The following CATSPERB variants were observed in gnomAD, a reference collection of about 807,000 sequenced individuals.
The protein encoded by CATSPERB is catsper channel auxiliary subunit beta, also known as cation channel sperm-associated auxiliary subunit beta.
CATSPERB carries 93 observed loss-of-function variants against 128.3 expected under a neutral mutation model. That is an observed-to-expected ratio of 0.72 (90% confidence interval 0.61 to 0.86). CATSPERB has a LOEUF of 0.86. Ranked by LOEUF, CATSPERB falls within the 40% of genes least tolerant of loss-of-function variation. CATSPERB has a pLI of 0.00. For missense variants in CATSPERB, 1,153 were observed against 1,329.5 expected (o/e 0.87, Z 2.06); for synonymous variants, 381 against 448.8 (o/e 0.85, Z 1.91).
At position 91,621,809 on chromosome 14, in the gene CATSPERB, C is replaced by T; in HGVS notation, c.2059G>A (p.Ala687Thr). 6.2e-7 allele frequency: 1 copy of T among 1,614,148 alleles called. No individual in the cohort carries two copies. The highest frequency in any genetic ancestry group is 8.5e-7 in the Non-Finnish European group (1 of 1,180,006). The change falls in exon 19 of 27, where the codon GCA (alanine) becomes ACA (threonine). Residue 687 changes from alanine (A) to threonine (T), a missense_variant. Coordinates refer to ENST00000256343, the MANE Select transcript of CATSPERB (RefSeq NM_024764.4). ...TTTAGAAAGGTCATATTGTTGGGTG[C>T]ACTTTCAGGCATGGTAGCAATGGCT... ...ALAIATMPES[A>T]PNNMTFLKST...
At chr14:91,682,984 C>T (rs953288394) in intron 11 of CATSPERB, among the ~76,000 whole-genome samples, 1 of 152,134 alleles carries the variant, frequency 6.6e-6, no homozygotes, top group African/African-American at 2.4e-5. Context: ...TATAACCTAA[C>T]CTATGCATGC....
rs8016137 is a variant in CATSPERB at position 91,668,715 on chromosome 14, G to T, written c.1287+1099C>A. Among the ~76,000 whole-genome samples, 3 of 151,998 alleles carry T rather than the reference G, an allele frequency of 2.0e-5. No homozygotes were observed. In the East Asian group the frequency reaches 5.8e-4, roughly 29 times the overall value. ...AAATCAGCAAGACCACAAACCCACC[G>T]GGAGGAACAAACAACTCTGGACGTG... On this transcript the variant is annotated intron_variant, in intron 14 of 26. Transcript: ENST00000256343.
chr14:91,696,491 C>T (rs774064925), intron 7 of CATSPERB, among the ~76,000 whole-genome samples: 1 of 151,784 alleles, frequency 6.6e-6, no homozygotes, highest in Non-Finnish European at 1.5e-5. Context: ...TGTTTTAGTA[C>T]GGTGATGGAA....
In CATSPERB at chr14:91,586,689, T is replaced by C. The variant is rs977944830; in HGVS notation, c.3132+513A>G. Among the ~76,000 whole-genome samples the C allele has an allele frequency of 2.0e-5, 3 of 152,236 alleles. 1 individual carries two copies. The highest frequency in any genetic ancestry group is 2.0e-4 in the Admixed American group (3 of 15,282). On this transcript the variant is annotated intron_variant, in intron 26 of 26. Transcript: ENST00000256343. ...TCCCATGCCTCACAGGCAGCACATG[T>C]CATTATATGAATAAGCAAAAATGAG...
chr14:91,639,776 C>T (rs1052517635), intron 15 of CATSPERB, among the ~76,000 whole-genome samples: 2 of 152,154 alleles, frequency 1.3e-5, no homozygotes, highest in African/African-American at 4.8e-5. Flanking sequence ...AGACACTGGT[C>T]CTGAGACAGG....
In CATSPERB at chr14:91,610,641, A is replaced by C. The variant is rs760798897; in HGVS notation, c.2437T>G (p.Ser813Ala). The change falls in exon 21 of 27, where the codon TCT becomes GCT. Residue 813 changes from serine to alanine, a missense_variant. Coordinates refer to ENST00000256343, the MANE Select transcript of CATSPERB (RefSeq NM_024764.4). ...TSLAFIMWSA[S>A]TECFVTTMVP... ...ATTGTCGTAACAAAGCACTCAGTAG[A>C]GGCTGACCACATAATAAATGCCAGT... 6.2e-7 allele frequency: 1 copy of C among 1,612,498 alleles called. No individual in the cohort carries two copies. The highest frequency in any genetic ancestry group is 8.5e-7 in the Non-Finnish European group (1 of 1,178,784).
chr14:91,629,253 A>G (rs753744434), intron 17 of CATSPERB, among the ~76,000 whole-genome samples: 1 of 152,222 alleles, frequency 6.6e-6, no homozygotes, highest in African/African-American at 2.4e-5. Context: ...CATATTACTA[A>G]GTACAAGAAG....
intron 22 of CATSPERB, chr14:91,604,985 T>A: frequency 1.7e-6 from 2 of 1,172,540 alleles, no homozygotes; most frequent in South Asian, 1.2e-5. Context: ...CTGAAATCTA[T>A]CATTGAGTAC....
chr14:91,604,965 A>G, intron 22 of CATSPERB: 1 of 1,176,968 alleles, frequency 8.5e-7, no homozygotes, highest in Non-Finnish European at 1.3e-6. Context: ...AGGCTGAAGT[A>G]TTTCTGTCCC....
At chr14:91,685,453 C>CATTT (rs1895357598) in intron 10 of CATSPERB, among the ~76,000 whole-genome samples, 1 of 152,174 alleles carries the variant, frequency 6.6e-6, no homozygotes, top group Non-Finnish European at 1.5e-5. Context: ...TTTATTCACT[C>CATTT]ATTGACTCAA....
At chr14:91,604,275 A>G in intron 22 of CATSPERB, 5 of 667,320 alleles carry the variant, frequency 7.5e-6, no homozygotes, top group Non-Finnish European at 1.3e-5. Context: ...TTGACTGGAT[A>G]GGCATAATGG....
At chr14:91,715,529 G>A (rs1482486581) in intron 5 of CATSPERB, among the ~76,000 whole-genome samples, 1 of 134,300 alleles carries the variant, frequency 7.4e-6, no homozygotes, top group Non-Finnish European at 1.5e-5. Context: ...TCCAGCCTGG[G>A]CAATAAGAGT....
chr14:91,604,252 A>G (rs1206014271), intron 22 of CATSPERB: 29 of 627,114 alleles, frequency 4.6e-5, no homozygotes, highest in Non-Finnish European at 8.0e-5. Flanking sequence ...ACCATACCCC[A>G]CCCTCCATCA....
intron 22 of CATSPERB, chr14:91,603,427 C>T: frequency 6.3e-7 from 1 of 1,594,816 alleles, no homozygotes; most frequent in Admixed American, 1.7e-5. Flanking sequence ...CCTTTATTCC[C>T]AGCCATCAGA....
At chr14:91,694,003 A>T (rs565185395) in intron 7 of CATSPERB, among the ~76,000 whole-genome samples, 4 of 152,310 alleles carry the variant, frequency 2.6e-5, no homozygotes, top group African/African-American at 9.6e-5. Flanking sequence ...CAACTTCCTT[A>T]CAGCTAATTG....
intron 10 of CATSPERB, among the ~76,000 whole-genome samples, chr14:91,689,436 G>A (rs532161004): frequency 3.3e-5 from 5 of 152,250 alleles, no homozygotes; most frequent in Admixed American, 6.5e-5. Flanking sequence ...GACTTAGCAG[G>A]GCAGGTAGGC....
chr14:91,697,016 T>A (rs1895574664), intron 7 of CATSPERB, among the ~76,000 whole-genome samples: 1 of 152,114 alleles, frequency 6.6e-6, no homozygotes, highest in Non-Finnish European at 1.5e-5. Context: ...GAAAGAAGTG[T>A]GATAAATTTT....
At chr14:91,631,781 T>C (rs902048237) in intron 17 of CATSPERB, among the ~76,000 whole-genome samples, 3 of 152,096 alleles carry the variant, frequency 2.0e-5, no homozygotes, top group Admixed American at 6.5e-5. Flanking sequence ...GGGACCAGAA[T>C]TGGACTCATT....
At chr14:91,678,261 T>G (rs1895224894) in intron 11 of CATSPERB, among the ~76,000 whole-genome samples, 1 of 152,170 alleles carries the variant, frequency 6.6e-6, no homozygotes, top group African/African-American at 2.4e-5. Context: ...AAAACTGAAC[T>G]GCCGTAAAGA....
Sources: gnomAD v4.1 joint callset for allele counts (sites outside exome capture counted in the v4.1 genomes callset) on GRCh38, gnomAD v4.1.1 for gene constraint, MANE v1.5 for transcripts, NCBI Gene and HGNC (gene_info 2026-07-23, HGNC 2026-07-21) for gene names.